The following KLRG1 variants were observed in gnomAD, a reference collection of about 807,000 sequenced individuals.
KLRG1 encodes killer cell lectin-like receptor subfamily G member 1.
In KLRG1, 16 loss-of-function variants were observed where a neutral mutation model predicts 21.8. The ratio of observed to expected loss-of-function variants is 0.73; its 90% CI spans 0.50 to 1.11. The LOEUF (loss-of-function observed/expected upper bound fraction) is 1.11. Ranked by LOEUF, KLRG1 falls within the 50% of genes most tolerant of loss-of-function variation. The pLI, the probability that KLRG1 is intolerant of heterozygous loss-of-function variation, is 0.00. For synonymous variants in KLRG1, 69 were observed against 75.9 expected, an observed-to-expected ratio of 0.91 and a Z score of 0.47; for missense variants, 173 against 218.3, an observed-to-expected ratio of 0.79 and a Z score of 1.31.
At chr12:9,198,518 C>T in the KLRG1 span, among the ~76,000 whole-genome samples, 9 of 152,106 alleles carry the variant, frequency 5.9e-5, no homozygotes, top group East Asian at 3.9e-4. Flanking sequence ...CACAGACACA[C>T]GCACACGTGC....
At chr12:9,072,804 G>C in the KLRG1 span, 1 of 1,614,232 alleles carries the variant, frequency 6.2e-7, no homozygotes, top group Admixed American at 1.7e-5. Flanking sequence ...CACCTGTGCA[G>C]CCTTCCCAGT....
At chr12:9,129,586 T>C in the KLRG1 span, among the ~76,000 whole-genome samples, 2 of 152,172 alleles carry the variant, frequency 1.3e-5, no homozygotes, top group Non-Finnish European at 1.5e-5. Flanking sequence ...CCCATTTTTT[T>C]TTCCCGAGAC....
the KLRG1 span, among the ~76,000 whole-genome samples, chr12:9,125,781 C>T: frequency 4.6e-5 from 7 of 152,210 alleles, no homozygotes; most frequent in Non-Finnish European, 1.0e-4. Flanking sequence ...AACGCCCAGG[C>T]TGGAGTGCAG....
At chr12:9,091,555 A>C in the KLRG1 span, 2 of 952,022 alleles carry the variant, frequency 2.1e-6, no homozygotes, top group Non-Finnish European at 3.1e-6. Flanking sequence ...CCAATAATGG[A>C]GAGTATAATC....
chr12:9,072,329 G>A, the KLRG1 span: 1 of 1,611,094 alleles, frequency 6.2e-7, no homozygotes, highest in Non-Finnish European at 8.5e-7. Flanking sequence ...GTTATTCTTA[G>A]GATTAGGTGA....
the KLRG1 span, chr12:9,163,880 T>C: frequency 6.9e-7 from 1 of 1,444,008 alleles, no homozygotes. Context: ...TTGTCCAGAA[T>C]AGAAAATAAG....
the KLRG1 span, among the ~76,000 whole-genome samples, chr12:9,145,602 T>G: frequency 6.6e-6 from 1 of 152,226 alleles, no homozygotes. Flanking sequence ...TAATACAGTA[T>G]CATGTGTTTT....
the KLRG1 span, chr12:9,076,972 T>G: frequency 6.6e-7 from 1 of 1,513,810 alleles, no homozygotes; most frequent in Non-Finnish European, 8.8e-7. Context: ...CTAAGCTATG[T>G]AAACAGGCAT....
the KLRG1 span, among the ~76,000 whole-genome samples, chr12:9,127,174 C>T: frequency 2.0e-5 from 3 of 152,296 alleles, no homozygotes; most frequent in East Asian, 3.9e-4. Context: ...ATTGATTCAT[C>T]TCTCCACAGC....
intron 1 of KLRG1, among the ~76,000 whole-genome samples, chr12:8,990,979 T>A (rs922476071): frequency 1.3e-5 from 2 of 152,166 alleles, no homozygotes; most frequent in African/African-American, 4.8e-5. Flanking sequence ...AATTCTCTAT[T>A]TATGAAGGCA....
chr12:9,160,612 A>G, the KLRG1 span: 22 of 866,980 alleles, frequency 2.5e-5, no homozygotes, highest in Admixed American at 4.4e-4. Flanking sequence ...TTATATACAC[A>G]GAGTGTGACT....
chr12:9,010,641 G>GT lies in KLRG1; in HGVS notation c.*1111dup, dbSNP rs1947616171. The GT allele has an allele frequency of 1.3e-5, 2 of 152,042 alleles. No individual in the cohort carries two copies. Among genetic ancestry groups the GT allele is most frequent in the Non-Finnish European group, 2.9e-5 (2 of 68,012 alleles). 9.4% of individuals were successfully genotyped at this position (152,042 alleles called of 1,614,324 possible). ...AATCTTTTTCTCTTTATCTTTCATA[G>GT]TTTTTTTAAAAACATGGACTGTATC... On this transcript the variant is annotated 3_prime_UTR_variant, in exon 5 of 5. Coordinates refer to ENST00000356986, the MANE Select transcript of KLRG1 (RefSeq NM_005810.4).
At chr12:9,021,729 A>G in the KLRG1 span, among the ~76,000 whole-genome samples, 11 of 152,280 alleles carry the variant, frequency 7.2e-5, 1 homozygote, top group South Asian at 1.0e-3. Flanking sequence ...AGACATAAGC[A>G]TGCACATTAG....
the KLRG1 span, among the ~76,000 whole-genome samples, chr12:9,044,260 A>G: frequency 1.3e-5 from 2 of 152,238 alleles, no homozygotes; most frequent in South Asian, 4.1e-4. Flanking sequence ...ATGAATAGGT[A>G]ATTTGTAGAA....
chr12:9,001,553 T>A (rs977174897), intron 3 of KLRG1, among the ~76,000 whole-genome samples: 5 of 152,298 alleles, frequency 3.3e-5, no homozygotes, highest in Admixed American at 6.5e-5. Flanking sequence ...TCAGATTCCT[T>A]AAACCCTCAT....
At chr12:9,098,101 C>G in the KLRG1 span, among the ~76,000 whole-genome samples, 1 of 152,170 alleles carries the variant, frequency 6.6e-6, no homozygotes, top group Admixed American at 6.5e-5. Flanking sequence ...ACTGTATGGT[C>G]TTTTTACATT....
At chr12:9,168,208 G>A in the KLRG1 span, among the ~76,000 whole-genome samples, 1 of 152,156 alleles carries the variant, frequency 6.6e-6, no homozygotes, top group Non-Finnish European at 1.5e-5. Flanking sequence ...AAGGATTTGA[G>A]GCTTAGAGAG....
chr12:9,158,698 G>C, the KLRG1 span: 2 of 885,318 alleles, frequency 2.3e-6, no homozygotes, highest in South Asian at 6.4e-5. Context: ...CTGTTACTGA[G>C]AGTTTGGAGA....
the KLRG1 span, chr12:9,112,292 G>T: frequency 6.2e-7 from 1 of 1,605,106 alleles, no homozygotes; most frequent in Non-Finnish European, 8.5e-7. Context: ...AAGGAACCAA[G>T]ATTATAGGAA....
Sources: gnomAD v4.1 joint callset for allele counts (sites outside exome capture counted in the v4.1 genomes callset) on GRCh38, gnomAD v4.1.1 for gene constraint, MANE v1.5 for transcripts, NCBI Gene and HGNC (gene_info 2026-07-23, HGNC 2026-07-21) for gene names.